Variants in OTULIN observed in about 807,000 individuals in gnomAD.
OTULIN encodes OTU deubiquitinase with linear linkage specificity.
OTULIN carries 15 observed loss-of-function variants against 39.6 expected under a neutral mutation model. The observed-to-expected ratio is 0.38, with a 90% confidence interval of 0.25 to 0.58. OTULIN has a LOEUF of 0.58. Ranked by LOEUF, OTULIN falls within the 20% of genes least tolerant of loss-of-function variation. OTULIN has a pLI of 0.66. For missense variants in OTULIN, 319 were observed against 445.9 expected (o/e 0.72, Z 2.56); for synonymous variants, 156 against 170.3 (o/e 0.92, Z 0.65).
rs1579962384 is a variant in OTULIN at position 14,673,668 on chromosome 5, A to G, written c.179A>G (p.Asp60Gly). Residue 60 changes from aspartate (D) to glycine (G), a missense_variant, in exon 2 of 7, where the codon GAT (aspartate) becomes GGT (glycine). This residue lies in a region of OTULIN where 132 missense variants were observed against 143.7 expected (regional missense o/e 0.92). Transcript: ENST00000284274. Reference protein sequence around the residue: ...EHEEDMYRAADEIEKEKELLI... With the variant: ...EHEEDMYRAAGEIEKEKELLI... ...GAGGAGGACATGTACCGTGCTGCAG[A>G]TGAAATAGAAAAGGAGAAAGAATTG... The G allele has an allele frequency of 6.2e-7, 1 of 1,613,822 alleles. No homozygotes were observed. Among genetic ancestry groups the G allele is most frequent in the Non-Finnish European group, 8.5e-7 (1 of 1,179,840 alleles).
rs146710323 is a variant in OTULIN, at chr5:14,692,109, C to G, written c.865-745C>G. On this transcript the variant is annotated intron_variant, in intron 6 of 6. Transcript: ENST00000284274. ...TGTTTGTAGTTCTCTTGGGTATACACCGAGGAGTGGAATTGCTTTAACATT... is the reference window on the plus strand; with the variant it reads ...TGTTTGTAGTTCTCTTGGGTATACAGCGAGGAGTGGAATTGCTTTAACATT... 1.7e-3 allele frequency among the ~76,000 whole-genome samples: 263 copies of G among 152,242 alleles called. 1 individual carries two copies. The highest frequency in any genetic ancestry group is 5.9e-3 in the African/African-American group (247 of 41,540).
At chr5:14,669,558 G>C (rs915275195) in intron 1 of OTULIN, among the ~76,000 whole-genome samples, 4 of 152,128 alleles carry the variant, frequency 2.6e-5, no homozygotes, top group African/African-American at 4.8e-5. Context: ...GATCTCTTGA[G>C]CCCAGGACTT....
In OTULIN at chr5:14,690,512, TTGTTCACTCA is replaced by T. The variant is rs1182078753; in HGVS notation, c.864+208_864+217del. ...GGGGCTGGAAGATCTACTTCCAGTGTTGTTCACTCATGTGGCTGTGGGCAGGAGGCTTCAG... is the reference window on the plus strand; with the variant it reads ...GGGGCTGGAAGATCTACTTCCAGTGTTGTGGCTGTGGGCAGGAGGCTTCAG... On this transcript the variant is annotated intron_variant, in intron 6 of 6. Transcript: ENST00000284274. The surrounding 1 kb of genome is among the most constrained non-coding windows in gnomAD (Gnocchi z 4.5). 6.6e-6 allele frequency among the ~76,000 whole-genome samples: 1 copy of T among 152,106 alleles called. No homozygotes were observed.
rs1335721241 is a variant in OTULIN at position 14,694,396 on chromosome 5, C to T, written c.*1348C>T. ...GACTGCAGATGGTGTTCACATGAAC[C>T]GGAGACATCACTCTTTAGGATTCTA... On this transcript the variant is annotated 3_prime_UTR_variant, in exon 7 of 7. Coordinates refer to ENST00000284274, the MANE Select transcript of OTULIN (RefSeq NM_138348.6). 1 of 152,112 alleles carries T rather than the reference C, an allele frequency of 6.6e-6. No homozygotes were observed. Among genetic ancestry groups the T allele is most frequent in the Non-Finnish European group, 1.5e-5 (1 of 68,048 alleles). The allele number at this position is 152,112 out of a possible 1,614,324, so 9.4% of individuals were successfully genotyped here.
At position 14,698,387 on chromosome 5, in the gene OTULIN, G is replaced by A. The variant is rs1279981093; in HGVS notation, c.*5339G>A. ...CGCCTGCTCTGAAAAACATGCCCCC[G>A]AGGCTCTGTGCAGTTTGGGGCCTTG... is the stretch of plus-strand genomic sequence containing the variant. On this transcript the variant is annotated 3_prime_UTR_variant, in exon 7 of 7. Transcript: ENST00000284274. 6.6e-6 allele frequency: 1 copy of A among 152,196 alleles called. No individual in the cohort carries two copies. Among genetic ancestry groups the A allele is most frequent in the Non-Finnish European group, 1.5e-5 (1 of 68,054 alleles). 9.4% of individuals were successfully genotyped at this position (152,196 alleles called of 1,614,324 possible). A position where few individuals can be genotyped will look rare whatever the true frequency, so the allele number is the denominator to read the frequency against.
chr5:14,670,630 G>A (rs996111052), intron 1 of OTULIN, among the ~76,000 whole-genome samples: 1 of 151,744 alleles, frequency 6.6e-6, no homozygotes, highest in African/African-American at 2.4e-5. Flanking sequence ...TTAGTGACAG[G>A]GTCTCACTCT....
intron 3 of OTULIN, among the ~76,000 whole-genome samples, chr5:14,680,777 G>A (rs1180311654): frequency 6.6e-6 from 1 of 152,216 alleles, no homozygotes; most frequent in African/African-American, 2.4e-5. Flanking sequence ...AAGAAAAGAA[G>A]GCGGGGCACG....
the OTULIN span, among the ~76,000 whole-genome samples, chr5:14,716,256 C>CTT: frequency 6.6e-6 from 1 of 152,166 alleles, no homozygotes; most frequent in Non-Finnish European, 1.5e-5. Flanking sequence ...AATCCCAGCA[C>CTT]TTTGCCGAGG....
In OTULIN at chr5:14,683,682, A is replaced by G. The variant is rs73048809; in HGVS notation, c.468+2075A>G. ...AATCTGTATTTCTGGATAGTGACAT[A>G]ATATCTTCCTCAATTTTAGGCAAAA... On this transcript the variant is annotated intron_variant, in intron 4 of 6. Coordinates refer to ENST00000284274, the MANE Select transcript of OTULIN (RefSeq NM_138348.6). Among the ~76,000 whole-genome samples the G allele has an allele frequency of 8.3e-3, 1,271 of 152,312 alleles. 18 individuals are homozygous for G. Among genetic ancestry groups the G allele is most frequent in the African/African-American group, 0.029 (1,212 of 41,554 alleles).
chr5:14,716,382 A>G, the OTULIN span, among the ~76,000 whole-genome samples: 1 of 152,296 alleles, frequency 6.6e-6, no homozygotes, highest in Admixed American at 6.5e-5. Flanking sequence ...AGTCCCAGCT[A>G]CTTGGGAGGC....
In OTULIN at chr5:14,690,005, A is replaced by C; in HGVS notation, c.595-34A>C. On this transcript the variant is annotated intron_variant, in intron 5 of 6. Coordinates refer to ENST00000284274, the MANE Select transcript of OTULIN (RefSeq NM_138348.6). This position sits in a 1 kb window ranked among gnomAD's most constrained non-coding sequence, Gnocchi z 4.5. Reference sequence around the variant, plus strand: ...ACTATACCAGGGATTTTTAGAACAAAAATTCTAATTATTACATAACTTTCT... The same window carrying C: ...ACTATACCAGGGATTTTTAGAACAACAATTCTAATTATTACATAACTTTCT... 1 of 1,589,422 alleles carries C rather than the reference A, an allele frequency of 6.3e-7. No individual in the cohort carries two copies. Among genetic ancestry groups the C allele is most frequent in the African/African-American group, 1.4e-5 (1 of 73,610 alleles).
intron 2 of OTULIN, among the ~76,000 whole-genome samples, chr5:14,675,277 T>C (rs1488703699): frequency 6.6e-6 from 1 of 152,268 alleles, no homozygotes; most frequent in African/African-American, 2.4e-5. Flanking sequence ...TGTGCTCTTC[T>C]GTTTTGAGAA....
chr5:14,708,091 AGTT>A, the OTULIN span: 2 of 152,168 alleles, frequency 1.3e-5, no homozygotes, highest in African/African-American at 2.4e-5. Flanking sequence ...CTTTTTGCTC[AGTT>A]GTTGTCTCAC....
the OTULIN span, chr5:14,707,187 A>G: frequency 6.6e-6 from 1 of 152,240 alleles, no homozygotes; most frequent in Middle Eastern, 3.2e-3. Context: ...ACTGAAGTAG[A>G]AAGATTTTTA....
intron 4 of OTULIN, 152 bp downstream of exon 4, chr5:14,681,759 C>G (rs544437163): frequency 1.1e-6 from 1 of 885,402 alleles, no homozygotes; most frequent in Admixed American, 3.6e-5. Flanking sequence ...GGTGATTTCA[C>G]ATAGTTAAAT....
downstream of OTULIN, among the ~76,000 whole-genome samples, chr5:14,702,757 G>C (rs549768477): frequency 6.6e-6 from 1 of 152,170 alleles, no homozygotes; most frequent in African/African-American, 2.4e-5. Context: ...GACCCGATGA[G>C]AATTTGAGGT....
At chr5:14,670,492 A>G (rs1735952818) in intron 1 of OTULIN, among the ~76,000 whole-genome samples, 1 of 152,196 alleles carries the variant, frequency 6.6e-6, no homozygotes. Context: ...TCTTTCTATT[A>G]GACGGGTAAC....
intron 2 of OTULIN, among the ~76,000 whole-genome samples, chr5:14,677,326 T>A (rs902553829): frequency 1.2e-4 from 19 of 152,196 alleles, no homozygotes; most frequent in Non-Finnish European, 2.5e-4. Context: ...CAATATTTGG[T>A]ACATTTTAGA....
At chr5:14,688,485 T>C (rs532712765) in intron 5 of OTULIN, among the ~76,000 whole-genome samples, 111 of 152,356 alleles carry the variant, frequency 7.3e-4, no homozygotes, top group African/African-American at 2.5e-3. Flanking sequence ...TGTGCATTCC[T>C]TGACACCCTG....
Sources: allele counts gnomAD v4.1 joint callset (sites outside exome capture counted in the v4.1 genomes callset), GRCh38; gene constraint gnomAD v4.1.1; regional missense constraint gnomAD v4.1.1; non-coding constraint Gnocchi (gnomAD v3.1); transcripts MANE v1.5; gene names NCBI Gene and HGNC (gene_info 2026-07-23, HGNC 2026-07-21).